Variants in TBC1D14 observed in about 807,000 individuals in gnomAD.
TBC1D14 encodes TBC1 domain family, member 14.
In TBC1D14, 26 loss-of-function variants were observed where a neutral mutation model predicts 79.0. That is an observed-to-expected ratio of 0.33 (90% CI 0.24 to 0.46). The LOEUF is 0.46. Among genes scored for constraint, TBC1D14 ranks in the 20% least tolerant of loss-of-function variants. TBC1D14 has a pLI of 1.00. For synonymous variants in TBC1D14, 394 were observed against 349.9 expected (o/e 1.13, Z -1.40); for missense variants, 769 against 887.6 (o/e 0.87, Z 1.70).
chr4:6,912,007 A>G (rs1342393225), intron 1 of TBC1D14, among the ~76,000 whole-genome samples: 1 of 152,100 alleles, frequency 6.6e-6, no homozygotes, highest in African/African-American at 2.4e-5. Context: ...CTGGATCTGA[A>G]CTCCTCGGCT....
chr4:7,030,290 G>A (rs776802692), intron 13 of TBC1D14, 37 bp from the exon 14 acceptor site: 70 of 1,607,168 alleles, frequency 4.4e-5, no homozygotes, highest in Non-Finnish European at 6.0e-5. Flanking sequence ...TGTGTGCGTG[G>A]TCACTTAACC....
intron 3 of TBC1D14, among the ~76,000 whole-genome samples, chr4:6,989,167 C>T (rs1032925811): frequency 7.9e-5 from 12 of 152,126 alleles, no homozygotes; most frequent in Non-Finnish European, 1.3e-4. Flanking sequence ...TCAGGAGCCT[C>T]GTGCCCTTCT....
chr4:7,014,027 G>A (rs1419804222), intron 11 of TBC1D14, among the ~76,000 whole-genome samples: 1 of 152,184 alleles, frequency 6.6e-6, no homozygotes, highest in Non-Finnish European at 1.5e-5. Flanking sequence ...GGGATTACAG[G>A]CGTGAGCCAC....
intron 3 of TBC1D14, among the ~76,000 whole-genome samples, chr4:6,968,529 G>C (rs1035445691): frequency 1.3e-4 from 20 of 152,192 alleles, no homozygotes; most frequent in Admixed American, 9.8e-4. Context: ...TGATGTGCAG[G>C]GTCACATTGC....
At chr4:7,010,028 A>C in intron 10 of TBC1D14, 80 bp downstream of exon 10, 1 of 1,514,948 alleles carries the variant, frequency 6.6e-7, no homozygotes, top group Non-Finnish European at 9.2e-7. Flanking sequence ...GTTAGCTGCA[A>C]ATGTCATGCC....
chr4:6,927,618 C>T (rs1003644644), intron 2 of TBC1D14, among the ~76,000 whole-genome samples: 1 of 152,232 alleles, frequency 6.6e-6, no homozygotes, highest in Non-Finnish European at 1.5e-5. Flanking sequence ...AGCAGGGTCT[C>T]TCCCACTGGC....
At chr4:6,973,003 G>A (rs914782908) in intron 3 of TBC1D14, among the ~76,000 whole-genome samples, 2 of 152,208 alleles carry the variant, frequency 1.3e-5, no homozygotes, top group South Asian at 2.1e-4. Flanking sequence ...TTGGAAATGA[G>A]GTTGAGCGGA....
rs1165843210 is a variant in TBC1D14, at chr4:6,949,750, G to GTTTTGT, written c.723-17543_723-17538dup. 1.0e-4 allele frequency among the ~76,000 whole-genome samples: 15 copies of GTTTTGT among 149,458 alleles called. No individual in the cohort carries two copies. In the East Asian group the frequency reaches 2.6e-3, roughly 25 times the overall value. On this transcript the variant is annotated intron_variant, in intron 2 of 13. Coordinates refer to ENST00000409757, the MANE Select transcript of TBC1D14 (RefSeq NM_020773.3). The stretch of plus-strand genomic sequence containing the variant: ...TTCTTTCATTTCTCCACATTTCGTA[G>GTTTTGT]TTTTGTTTTTGTTTTTTTTTTTAAT...
At chr4:6,926,115 GC>G (rs1724276857) in intron 2 of TBC1D14, among the ~76,000 whole-genome samples, 1 of 152,178 alleles carries the variant, frequency 6.6e-6, no homozygotes, top group African/African-American at 2.4e-5. Flanking sequence ...TGGCCCGTGT[GC>G]CCATTATGCT....
intron 3 of TBC1D14, among the ~76,000 whole-genome samples, chr4:6,978,878 CTG>C (rs1392341101): frequency 3.3e-4 from 49 of 150,444 alleles, no homozygotes; most frequent in African/African-American, 1.1e-3. Flanking sequence ...AATCAGTAGA[CTG>C]TTTTCTTAAT....
Position 6,923,535 on chromosome 4 carries a change from A to G in TBC1D14, c.146A>G (p.Lys49Arg). Residue 49 changes from lysine to arginine, a missense_variant, in exon 2 of 14, where the codon AAG (lysine) becomes AGG (arginine). Lys to Arg is a conservative substitution (Grantham distance 26). Around this residue, in one of 2 missense-constraint regions of TBC1D14, gnomAD observed 402 missense variants for 393.2 expected, o/e 1.02. Transcript: ENST00000409757. Reference protein sequence around the residue: ...RLLSAPEYGPKLKLRALEDRH... With the variant: ...RLLSAPEYGPRLKLRALEDRH... ...CTCTCCGCGCCTGAGTACGGGCCCAAGCTGAAACTCAGGGCTTTAGAAGAC... is the reference window on the plus strand; with the variant it reads ...CTCTCCGCGCCTGAGTACGGGCCCAGGCTGAAACTCAGGGCTTTAGAAGAC... 6.2e-7 allele frequency: 1 copy of G among 1,614,154 alleles called. No individual in the cohort carries two copies. Among genetic ancestry groups the G allele is most frequent in the South Asian group, 1.1e-5 (1 of 91,076 alleles).
chr4:6,941,089 C>G (rs138527475), intron 2 of TBC1D14, among the ~76,000 whole-genome samples: 1,858 of 151,222 alleles, frequency 0.012, 14 homozygotes, highest in Non-Finnish European at 0.018. Context: ...AACCAGTGCT[C>G]GAGATGTTTG....
At chr4:7,000,300 C>T (rs993910387) in intron 6 of TBC1D14, among the ~76,000 whole-genome samples, 3 of 152,136 alleles carry the variant, frequency 2.0e-5, no homozygotes, top group Non-Finnish European at 4.4e-5. Context: ...CAGTTCCCGT[C>T]GACTGCACAC....
At chr4:6,996,485 T>G in intron 5 of TBC1D14, 78 bp downstream of exon 5, 2 of 1,160,592 alleles carry the variant, frequency 1.7e-6, no homozygotes, top group Non-Finnish European at 2.5e-6. Context: ...TTTTTACCAT[T>G]TGGAGTCATA....
At position 6,912,555 on chromosome 4, in the gene TBC1D14, G is replaced by A. The variant is rs374619301; in HGVS notation, c.-18+2604G>A. ...GCCCAGAGCTCCATCAGTATCACAC[G>A]GCAGGTGTGAGGAGAGAGACTGGTG... On this transcript the variant is annotated intron_variant, in intron 1 of 13. Coordinates refer to ENST00000409757, the MANE Select transcript of TBC1D14 (RefSeq NM_020773.3). Among the ~76,000 whole-genome samples, 13 of 152,204 alleles carry A rather than the reference G, an allele frequency of 8.5e-5. No homozygotes were observed. In the East Asian group the frequency reaches 1.4e-3, roughly 16 times the overall value.
intron 1 of TBC1D14, among the ~76,000 whole-genome samples, chr4:6,919,812 G>C (rs910237947): frequency 7.2e-5 from 11 of 152,064 alleles, no homozygotes; most frequent in African/African-American, 2.7e-4. Flanking sequence ...GTAGAGAGGG[G>C]GTTTCACCAT....
At chr4:6,994,068 G>A (rs1332588499) in intron 3 of TBC1D14, 116 bp from the exon 4 acceptor site, 20 of 886,124 alleles carry the variant, frequency 2.3e-5, no homozygotes, top group South Asian at 4.3e-5. Flanking sequence ...GGTTTTTGGC[G>A]AATTGTCCTC....
chr4:7,006,830 G>A (rs1335252582), intron 9 of TBC1D14, 104 bp downstream of exon 9: 5 of 962,056 alleles, frequency 5.2e-6, no homozygotes, highest in Non-Finnish European at 1.6e-6. Context: ...TTGGGTTTTT[G>A]GGGGTGTTAG....
intron 3 of TBC1D14, among the ~76,000 whole-genome samples, chr4:6,980,241 A>G (rs1717241271): frequency 6.6e-6 from 1 of 152,238 alleles, no homozygotes. Context: ...AAACAGTGAC[A>G]GAAAAATAAT....
Sources: gnomAD v4.1 joint callset for allele counts (sites outside exome capture counted in the v4.1 genomes callset) on GRCh38, gnomAD v4.1.1 for gene constraint, gnomAD v4.1.1 regional missense constraint, MANE v1.5 for transcripts, NCBI Gene and HGNC (gene_info 2026-07-23, HGNC 2026-07-21) for gene names.